BCHE: variants seen among roughly 807,000 people sequenced by gnomAD.
The protein encoded by BCHE is butyrylcholinesterase.
A neutral mutation model predicts 51.3 loss-of-function variants in BCHE; 48 were observed. The observed-to-expected ratio is 0.94, with a 90% CI of 0.74 to 1.19. The LOEUF is 1.19. Ranked by LOEUF, BCHE falls within the 50% of genes most tolerant of loss-of-function variation. The pLI is 0.00. For synonymous variants in BCHE, 251 were observed against 238.0 expected (o/e 1.05, Z -0.50); for missense variants, 847 against 708.2 (o/e 1.20, Z -2.23).
At chr3:165,802,749 T>C (rs13088096) in intron 2 of BCHE, among the ~76,000 whole-genome samples, 2 of 152,214 alleles carry the variant, frequency 1.3e-5, no homozygotes, top group South Asian at 2.1e-4. Flanking sequence ...TTTTGTTTTG[T>C]TGTGTTTTTT....
At chr3:165,799,927 T>C (rs1014557988) in intron 2 of BCHE, among the ~76,000 whole-genome samples, 1 of 152,072 alleles carries the variant, frequency 6.6e-6, no homozygotes, top group Admixed American at 6.6e-5. Context: ...ATTTTACTGA[T>C]CATTAGTAAG....
rs1054699337 is a variant in BCHE at position 165,788,324 on chromosome 3, G to A, written c.1518-2013C>T. ...GAGCTTTAGAGACAAACAGTTTCTT[G>A]ATGTACTAGTTTATTTTATGGAGGA... is the stretch of plus-strand genomic sequence containing the variant. On this transcript the variant is annotated intron_variant, in intron 2 of 3. Transcript: ENST00000264381. Among the ~76,000 whole-genome samples the A allele has an allele frequency of 2.0e-5, 3 of 151,974 alleles. No individual in the cohort carries two copies. In the East Asian group the frequency reaches 5.8e-4, roughly 29 times the overall value.
In BCHE at chr3:165,829,517, C is replaced by A. The variant is rs532499978; in HGVS notation, c.1517G>T (p.Gly506Val). The A allele has an allele frequency of 6.5e-5, 105 of 1,612,376 alleles. 1 individual carries two copies. The South Asian group carries it at 1.1e-3, about 18-fold the overall frequency. ...AACAATGACAAAAATCAGCACTTAC[C>A]CATATTTTGCAAAATTTGCCCACCG... ...VKRWANFAKYGNPNETQNNST... is the reference protein window; with the variant it reads ...VKRWANFAKYVNPNETQNNST... Residue 506 changes from glycine to valine, a missense_variant and splice_region_variant, in exon 2 of 4, where the codon GGG becomes GTG. Coordinates refer to ENST00000264381, the MANE Select transcript of BCHE (RefSeq NM_000055.4).
intron 3 of BCHE, among the ~76,000 whole-genome samples, chr3:165,785,197 C>A (rs915714545): frequency 2.6e-5 from 4 of 151,844 alleles, no homozygotes; most frequent in Admixed American, 6.6e-5. Flanking sequence ...AAATGGAAAA[C>A]ATCTACTGTA....
In BCHE at chr3:165,830,875, T is replaced by C. The variant is rs368402967; in HGVS notation, c.159A>G (p.Val53=). 3.1e-6 allele frequency: 5 copies of C among 1,613,900 alleles called. No individual in the cohort carries two copies. In the African/African-American group the frequency reaches 4.0e-5, roughly 13 times the overall value. ...GMNLTVFGGT[V]TAFLGIPYAQ... is the part of the protein sequence containing the mutation. Reference sequence around the variant, plus strand: ...CATAGGGAATTCCAAGAAAGGCTGTTACCGTGCCACCAAAAACTGTCAAGT... The same window carrying C: ...CATAGGGAATTCCAAGAAAGGCTGTCACCGTGCCACCAAAAACTGTCAAGT... Residue 53 remains valine (V), a synonymous_variant, in exon 2 of 4, where the codon GTA becomes GTG. Coordinates refer to ENST00000264381, the MANE Select transcript of BCHE (RefSeq NM_000055.4).
chr3:165,806,895 C>T (rs9836347), intron 2 of BCHE, among the ~76,000 whole-genome samples: 97,804 of 151,774 alleles, frequency 0.64, 33,933 homozygotes, highest in East Asian at 0.78. Flanking sequence ...ACAGCATGAC[C>T]AGAACACTAT....
intron 2 of BCHE, among the ~76,000 whole-genome samples, chr3:165,825,465 A>C (rs891730656): frequency 6.6e-6 from 1 of 152,190 alleles, no homozygotes; most frequent in East Asian, 1.9e-4. Context: ...ATAAATTAAT[A>C]AGCTGAGATT....
intron 2 of BCHE, among the ~76,000 whole-genome samples, chr3:165,808,406 T>G (rs1166655706): frequency 6.6e-6 from 1 of 152,042 alleles, no homozygotes; most frequent in Admixed American, 6.6e-5. Context: ...ACATACCTAA[T>G]TTTTGCATAC....
rs760182781 is a variant in BCHE, at chr3:165,830,595, G to C, written c.439C>G (p.Gln147Glu). The change falls in exon 2 of 4, where the codon CAA becomes GAA. Residue 147 changes from glutamine (Q) to glutamate (E), a missense_variant. Gln to Glu is a conservative substitution (Grantham distance 29). Transcript: ENST00000264381. ...ACATGTAAAGATGATGTTCCAGTTT[G>C]AAAACCACCACCATAAATCCATATC... ...VLIWIYGGGFQTGTSSLHVYD... is the reference protein window; with the variant it reads ...VLIWIYGGGFETGTSSLHVYD... The C allele has an allele frequency of 1.2e-6, 2 of 1,613,928 alleles. No individual in the cohort carries two copies. Among genetic ancestry groups the C allele is most frequent in the Non-Finnish European group, 1.7e-6 (2 of 1,179,918 alleles).
At chr3:165,797,058 T>C (rs1713408199) in intron 2 of BCHE, among the ~76,000 whole-genome samples, 1 of 152,044 alleles carries the variant, frequency 6.6e-6, no homozygotes, top group South Asian at 2.1e-4. Context: ...GAAAATGAAT[T>C]GGGCTGAATA....
At position 165,829,885 on chromosome 3, in the gene BCHE, T is replaced by A; in HGVS notation, c.1149A>T (p.Lys383Asn). ...ITRKEFQEGL[K>N]IFFPGVSEFG... ...ACTCACTCACTCCTGGAAAAAATAT[T>A]TTTAAACCTTCCTGAAATTCTTTTC... Residue 383 changes from lysine (K) to asparagine (N), a missense_variant, in exon 2 of 4, where the codon AAA (lysine) becomes AAT (asparagine). By Grantham distance (94) the Lys-to-Asn change is moderately conservative. Transcript: ENST00000264381. 1 of 1,611,556 alleles carries A rather than the reference T, an allele frequency of 6.2e-7. No homozygotes were observed. The highest frequency in any genetic ancestry group is 8.5e-7 in the Non-Finnish European group (1 of 1,179,290).
At chr3:165,777,060 G>C (rs1364064180) in intron 3 of BCHE, among the ~76,000 whole-genome samples, 1 of 151,576 alleles carries the variant, frequency 6.6e-6, no homozygotes, top group African/African-American at 2.4e-5. Context: ...TAGCAGGCAT[G>C]GTAAAAATCA....
At chr3:165,833,495 A>G (rs1715065466) in intron 1 of BCHE, among the ~76,000 whole-genome samples, 1 of 152,190 alleles carries the variant, frequency 6.6e-6, no homozygotes, top group African/African-American at 2.4e-5. Context: ...GTATGTAAAC[A>G]GAGAAAAGGT....
chr3:165,819,907 T>G (rs551758641), intron 2 of BCHE, among the ~76,000 whole-genome samples: 1 of 152,288 alleles, frequency 6.6e-6, no homozygotes, highest in Non-Finnish European at 1.5e-5. Context: ...TGTACATTCC[T>G]GAAATTATTA....
chr3:165,808,894 GC>G (rs1713973719), intron 2 of BCHE, among the ~76,000 whole-genome samples: 1 of 151,936 alleles, frequency 6.6e-6, no homozygotes, highest in Non-Finnish European at 1.5e-5. Flanking sequence ...CAAAACACGG[GC>G]ATATACTGCA....
chr3:165,819,806 A>G (rs898580627), intron 2 of BCHE, among the ~76,000 whole-genome samples: 2 of 152,206 alleles, frequency 1.3e-5, no homozygotes, highest in Non-Finnish European at 2.9e-5. Context: ...ACAGAAAAAT[A>G]TATAAATTCA....
At chr3:165,775,595 T>C (rs968015777) in intron 3 of BCHE, among the ~76,000 whole-genome samples, 1 of 151,708 alleles carries the variant, frequency 6.6e-6, no homozygotes, top group African/African-American at 2.4e-5. Context: ...TTTTAATCCT[T>C]ATAGAAAGAG....
intron 2 of BCHE, among the ~76,000 whole-genome samples, chr3:165,809,277 C>A (rs1270225578): frequency 1.3e-5 from 2 of 152,044 alleles, no homozygotes; most frequent in Non-Finnish European, 2.9e-5. Flanking sequence ...TATAAGCAAA[C>A]GTATTTAAAT....
chr3:165,803,789 G>A (rs577800541), intron 2 of BCHE, among the ~76,000 whole-genome samples: 1 of 152,136 alleles, frequency 6.6e-6, no homozygotes, highest in South Asian at 2.1e-4. Context: ...AGTAAATTAA[G>A]AATATATAAA....
Sources: gnomAD v4.1 joint callset for allele counts (sites outside exome capture counted in the v4.1 genomes callset) on GRCh38, gnomAD v4.1.1 for gene constraint, MANE v1.5 for transcripts, NCBI Gene and HGNC (gene_info 2026-07-23, HGNC 2026-07-21) for gene names.